TAS1R2: variants seen among roughly 807,000 people sequenced by gnomAD.
TAS1R2 encodes taste receptor type 1 member 2.
A neutral mutation model predicts 49.3 loss-of-function variants in TAS1R2; 47 were observed. The ratio of observed to expected loss-of-function variants is 0.95; its 90% CI spans 0.75 to 1.22. TAS1R2 has a LOEUF of 1.22. Among genes scored for constraint, TAS1R2 ranks in the 50% most tolerant of loss-of-function variants. The pLI, the probability that TAS1R2 is intolerant of heterozygous loss-of-function variation, is 0.00. For synonymous variants in TAS1R2, 479 were observed against 467.9 expected, an observed-to-expected ratio of 1.02 and a Z score of -0.31; for missense variants, 1,155 against 1,122.1, an observed-to-expected ratio of 1.03 and a Z score of -0.42.
In TAS1R2 at chr1:18,850,540, C is replaced by T. The variant is rs546453316; in HGVS notation, c.1258-990G>A. ...TTTGAGCCAAGAAGGAGGCTCCAACCAGGTGGTCGGCCTGAGGATGAGGAT... is the reference window on the plus strand; with the variant it reads ...TTTGAGCCAAGAAGGAGGCTCCAACTAGGTGGTCGGCCTGAGGATGAGGAT... On this transcript the variant is annotated intron_variant, in intron 3 of 5. Coordinates refer to ENST00000375371, the Ensembl canonical transcript of TAS1R2. Among the ~76,000 whole-genome samples, 673 of 152,386 alleles carry T rather than the reference C, an allele frequency of 4.4e-3. 6 individuals are homozygous for T. Among genetic ancestry groups the T allele is most frequent in the Non-Finnish European group, 6.0e-3 (408 of 68,038 alleles).
chr1:18,839,863 C>T lies in TAS1R2; in HGVS notation c.2256G>A (p.Leu752=), dbSNP rs765111109. The stretch of plus-strand genomic sequence containing the variant: ...ACTTGGCCTCGTTGTAGTTGGTGGG[C>T]AGCTCTTTGCCCATGTAGGCGAAGC... Residue 752 remains leucine, a synonymous_variant, in exon 6 of 6, where the codon CTG becomes CTA. Coordinates refer to ENST00000375371, the Ensembl canonical transcript of TAS1R2. The T allele has an allele frequency of 2.5e-6, 4 of 1,614,204 alleles. No individual in the cohort carries two copies. In the Admixed American group the frequency reaches 5.0e-5, roughly 20 times the overall value.
At chr1:18,853,835 C>G (rs930295511) in intron 3 of TAS1R2, among the ~76,000 whole-genome samples, 1 of 152,100 alleles carries the variant, frequency 6.6e-6, no homozygotes, top group Admixed American at 6.5e-5. Context: ...AAGTCTATGT[C>G]TGAACCAGGG....
intron 2 of TAS1R2, among the ~76,000 whole-genome samples, chr1:18,856,200 A>G (rs536092347): frequency 4.6e-5 from 7 of 152,128 alleles, no homozygotes; most frequent in Admixed American, 3.3e-4. Context: ...CTCTGGTTCC[A>G]GTTCTGCTCA....
intron 3 of TAS1R2, among the ~76,000 whole-genome samples, chr1:18,852,236 A>G (rs912055241): frequency 9.2e-5 from 14 of 152,154 alleles, no homozygotes; most frequent in Admixed American, 3.3e-4. Flanking sequence ...CCGTGGTGTG[A>G]CCCAGCAAGG....
chr1:18,852,227 C>T (rs1202440646), intron 3 of TAS1R2, among the ~76,000 whole-genome samples: 4 of 152,124 alleles, frequency 2.6e-5, no homozygotes, highest in Non-Finnish European at 4.4e-5. Context: ...AACAGAGTGC[C>T]GTGGTGTGAC....
rs772400494 is a variant in TAS1R2, at chr1:18,840,007, GGGACTGAGGCCCGT to G, written c.2098_2111del (p.Thr700HisfsTer5). 6 of 1,613,202 alleles carry G rather than the reference GGGACTGAGGCCCGT, an allele frequency of 3.7e-6. No individual in the cohort carries two copies. Among genetic ancestry groups the G allele is most frequent in the Non-Finnish European group, 5.1e-6 (6 of 1,179,248 alleles). On this transcript the variant is annotated frameshift_variant, in exon 6 of 6. Coordinates refer to ENST00000375371, the Ensembl canonical transcript of TAS1R2. LOFTEE classifies it low-confidence loss of function (END_TRUNC). ...GGTCATCGGGGTCAGTACGGGTGGT[GGGACTGAGGCCCGT>G]GGCCAGCATGCCAATTACCACAATG...
In TAS1R2 at chr1:18,854,648, C is replaced by T; in HGVS notation, c.822G>A (p.Val274=). ...GGTACAGGGTCAGGTCGGGCGAGAA[C>T]ACGACCACGACGCGCGCTGTGCTCT... Residue 274 remains valine (V), a synonymous_variant, in exon 3 of 6, where the codon GTG becomes GTA. Transcript: ENST00000375371. This position sits in a 1 kb window ranked among gnomAD's most constrained non-coding sequence, Gnocchi z 4.9. 6.2e-7 allele frequency: 1 copy of T among 1,614,058 alleles called. No homozygotes were observed. The highest frequency in any genetic ancestry group is 1.7e-5 in the Admixed American group (1 of 60,024).
intron 5 of TAS1R2, 122 bp downstream of exon 5, chr1:18,841,605 GAC>G: frequency 7.2e-7 from 1 of 1,379,526 alleles, no homozygotes; most frequent in Non-Finnish European, 9.7e-7. Context: ...CTGGCCTTTG[GAC>G]ACTCACACCC....
intron 4 of TAS1R2, among the ~76,000 whole-genome samples, chr1:18,842,347 G>A (rs890808466): frequency 7.2e-5 from 11 of 152,152 alleles, no homozygotes; most frequent in Non-Finnish European, 1.3e-4. Flanking sequence ...TAACTGCAAG[G>A]CTGAGACTGC....
chr1:18,849,317 C>T, intron 4 of TAS1R2, 24 bp downstream of exon 4: 1 of 1,612,232 alleles, frequency 6.2e-7, no homozygotes, highest in Non-Finnish European at 8.5e-7. Flanking sequence ...CAGGCCTGCC[C>T]ACCCACCAGG....
chr1:18,857,200 G>T, intron 2 of TAS1R2, 131 bp downstream of exon 2: 1 of 1,054,916 alleles, frequency 9.5e-7, no homozygotes, highest in Non-Finnish European at 1.3e-6. Context: ...GATTTGGGCT[G>T]ATGTCCTGAC....
chr1:18,851,020 C>G (rs1284371862), intron 3 of TAS1R2, among the ~76,000 whole-genome samples: 1 of 152,216 alleles, frequency 6.6e-6, no homozygotes, highest in Admixed American at 6.5e-5. Flanking sequence ...TTCCATTTAA[C>G]AGATGAGAAA....
At position 18,854,312 on chromosome 1, in the gene TAS1R2, G is replaced by A. The variant is rs750194843; in HGVS notation, c.1158C>T (p.Tyr386=). ...CAGCATAGACCGCAGAGTACACGCT[G>A]TAGACGACACGCTCCCCAGAGAGCC... The change falls in exon 3 of 6, where the codon TAC becomes TAT. Residue 386 remains tyrosine (Y), a synonymous_variant. Transcript: ENST00000375371. The surrounding 1 kb of genome is among the most constrained non-coding windows in gnomAD (Gnocchi z 4.9). The A allele has an allele frequency of 5.0e-6, 8 of 1,614,106 alleles. No individual in the cohort carries two copies. Among genetic ancestry groups the A allele is most frequent in the South Asian group, 1.1e-5 (1 of 91,076 alleles).
chr1:18,854,731 G>GGAC lies in TAS1R2; in HGVS notation c.738_739insGTC (p.Asn246_Gln247insVal). 1 of 1,612,572 alleles carries GGAC rather than the reference G, an allele frequency of 6.2e-7. No individual in the cohort carries two copies. The highest frequency in any genetic ancestry group is 2.2e-5 in the East Asian group (1 of 44,864). ...TGGCGCTCCTCTGACGTCATGTTCT[G>GGAC]GTTGGGCTGCAGTGTGGGCAGCGTC... On this transcript the variant is annotated inframe_insertion, in exon 3 of 6. Coordinates refer to ENST00000375371, the Ensembl canonical transcript of TAS1R2. The surrounding 1 kb of genome is among the most constrained non-coding windows in gnomAD (Gnocchi z 4.9).
chr1:18,851,876 G>T (rs1934033812), intron 3 of TAS1R2, among the ~76,000 whole-genome samples: 1 of 152,118 alleles, frequency 6.6e-6, no homozygotes, highest in Admixed American at 6.5e-5. Flanking sequence ...TCCCTAGCTG[G>T]GTGCCTGTCA....
rs758240066 is a variant in TAS1R2 at position 18,857,579 on chromosome 1, C to T, written c.235G>A (p.Val79Met). Residue 79 changes from valine to methionine, a missense_variant, in exon 2 of 6, where the codon GTG becomes ATG. Transcript: ENST00000375371. ...CTGCTGTCATTGTTGATCTCCTCCA[C>T]CGCAAAGCGCATGGCCTGCATGAGG... is the stretch of plus-strand genomic sequence containing the variant. 2.5e-6 allele frequency: 4 copies of T among 1,614,142 alleles called. No homozygotes were observed. The Admixed American group carries it at 6.7e-5, about 27-fold the overall frequency.
Position 18,854,630 on chromosome 1 carries a change from G to A in TAS1R2, c.840C>T (p.Thr280=). 2.5e-6 allele frequency: 4 copies of A among 1,614,104 alleles called. No individual in the cohort carries two copies. The highest frequency in any genetic ancestry group is 2.5e-6 in the Non-Finnish European group (3 of 1,180,002). The change falls in exon 3 of 6, where the codon ACC becomes ACT. Residue 280 remains threonine (T), a synonymous_variant. Coordinates refer to ENST00000375371, the Ensembl canonical transcript of TAS1R2. This position sits in a 1 kb window ranked among gnomAD's most constrained non-coding sequence, Gnocchi z 4.9. The stretch of plus-strand genomic sequence containing the variant: ...GCACCTCATTGAAGAAGTGGTACAG[G>A]GTCAGGTCGGGCGAGAACACGACCA...
At chr1:18,851,236 G>C (rs999734365) in intron 3 of TAS1R2, among the ~76,000 whole-genome samples, 4 of 152,084 alleles carry the variant, frequency 2.6e-5, no homozygotes, top group African/African-American at 9.7e-5. Flanking sequence ...GACCAGTGCC[G>C]AGGGCCCCAT....
chr1:18,858,682 C>A (rs1198363075), intron 1 of TAS1R2, among the ~76,000 whole-genome samples: 3 of 152,180 alleles, frequency 2.0e-5, no homozygotes, highest in Admixed American at 6.5e-5. Context: ...ACCACCATTA[C>A]TTTCATCACA....
Sources: allele counts gnomAD v4.1 joint callset (sites outside exome capture counted in the v4.1 genomes callset), GRCh38; gene constraint gnomAD v4.1.1; non-coding constraint Gnocchi (gnomAD v3.1); transcripts MANE v1.5; gene names NCBI Gene and HGNC (gene_info 2026-07-23, HGNC 2026-07-21).